Variants in HAVCR1 observed in about 807,000 individuals in gnomAD.
The protein encoded by HAVCR1 is hepatitis A virus cellular receptor 1.
In HAVCR1, 34 loss-of-function variants were observed where a neutral mutation model predicts 32.0. The ratio of observed to expected loss-of-function variants is 1.06; its 90% CI spans 0.81 to 1.42. HAVCR1 has a LOEUF of 1.42. Ranked by LOEUF, HAVCR1 falls within the 40% of genes most tolerant of loss-of-function variation. HAVCR1 has a pLI of 0.00. For synonymous variants in HAVCR1, 178 were observed against 170.3 expected (o/e 1.05, Z -0.35); for missense variants, 420 against 442.3 (o/e 0.95, Z 0.45).
At position 157,048,727 on chromosome 5, in the gene HAVCR1, G is replaced by C. The variant is rs546467544; in HGVS notation, c.781+311C>G. 5.9e-5 allele frequency among the ~76,000 whole-genome samples: 9 copies of C among 152,268 alleles called. No individual in the cohort carries two copies. In the East Asian group the frequency reaches 1.7e-3, roughly 29 times the overall value. The stretch of plus-strand genomic sequence containing the variant: ...CGCCTGTAGTCCCAGCTACTCGGGA[G>C]GCTGAGGCAGGAGAATGGCGTGAAC... On this transcript the variant is annotated intron_variant, in intron 5 of 8. Coordinates refer to ENST00000523175, the MANE Select transcript of HAVCR1 (RefSeq NM_001173393.3).
chr5:157,068,667 G>A, the HAVCR1 span, among the ~76,000 whole-genome samples: 1 of 84,720 alleles, frequency 1.2e-5, no homozygotes, highest in Non-Finnish European at 2.5e-5. Flanking sequence ...TTTTTTTTTT[G>A]AGACAGAGTT....
intron 8 of HAVCR1, among the ~76,000 whole-genome samples, chr5:157,030,535 C>G (rs1469846720): frequency 6.6e-6 from 1 of 151,906 alleles, no homozygotes; most frequent in Non-Finnish European, 1.5e-5. Context: ...TGCCCATAAT[C>G]CTGGCTACTT....
intron 5 of HAVCR1, 34 bp from the exon 6 acceptor site, chr5:157,042,716 C>T (rs776715816): frequency 1.7e-5 from 22 of 1,311,908 alleles, no homozygotes; most frequent in East Asian, 2.3e-5. Flanking sequence ...ATTAGAATTA[C>T]AAAAAATATT....
At chr5:157,032,378 T>A (rs1476193376) in intron 8 of HAVCR1, among the ~76,000 whole-genome samples, 1 of 151,852 alleles carries the variant, frequency 6.6e-6, no homozygotes, top group Non-Finnish European at 1.5e-5. Context: ...ATTAGCTGGG[T>A]ATGGTGGCAC....
chr5:157,036,920 C>A (rs1246334334), intron 7 of HAVCR1, among the ~76,000 whole-genome samples: 3 of 151,460 alleles, frequency 2.0e-5, no homozygotes, highest in African/African-American at 7.3e-5. Context: ...GAAATGGGGT[C>A]CCACCATGTT....
upstream of HAVCR1, among the ~76,000 whole-genome samples, chr5:157,063,228 T>A (rs565579806): frequency 4.1e-4 from 61 of 149,166 alleles, no homozygotes; most frequent in African/African-American, 1.2e-3. Flanking sequence ...TTAGAAATGA[T>A]CCTATTCATC....
At chr5:157,054,973 G>A (rs1426777098) in intron 3 of HAVCR1, among the ~76,000 whole-genome samples, 1 of 152,126 alleles carries the variant, frequency 6.6e-6, no homozygotes, top group East Asian at 1.9e-4. Context: ...TAGATATCAA[G>A]GAACAATTGT....
chr5:157,051,527 A>G (rs753658078), intron 4 of HAVCR1, among the ~76,000 whole-genome samples: 3 of 152,046 alleles, frequency 2.0e-5, no homozygotes, highest in Non-Finnish European at 4.4e-5. Flanking sequence ...CTATCTGTGT[A>G]AATTTCTTTT....
the HAVCR1 span, among the ~76,000 whole-genome samples, chr5:157,067,486 G>A: frequency 1.3e-5 from 2 of 151,922 alleles, no homozygotes; most frequent in Non-Finnish European, 2.9e-5. Context: ...GCAACAGAGT[G>A]AGTCCCCATC....
chr5:157,044,635 A>AAGAAAGAAAGAAAGAAAG (rs1755233404), intron 5 of HAVCR1, among the ~76,000 whole-genome samples: 1 of 64,750 alleles, frequency 1.5e-5, no homozygotes, highest in African/African-American at 5.3e-5. Context: ...GAAAGAAAGA[A>AAGAAAGAAAGAAAGAAAG]AGAAAGAAAG....
intron 5 of HAVCR1, among the ~76,000 whole-genome samples, chr5:157,047,748 T>C (rs529685589): frequency 6.6e-6 from 1 of 152,224 alleles, no homozygotes; most frequent in Admixed American, 6.5e-5. Flanking sequence ...TTTCCCTGAG[T>C]TCTGGAAGCC....
rs1000052924 is a variant in HAVCR1, at chr5:157,049,120, C to T, written c.699G>A (p.Gln233=). 8.1e-6 allele frequency: 13 copies of T among 1,611,760 alleles called. No homozygotes were observed. Among genetic ancestry groups the T allele is most frequent in the African/African-American group, 1.3e-5 (1 of 74,954 alleles). Residue 233 remains glutamine, a synonymous_variant, in exon 5 of 9, where the codon CAG becomes CAA. Transcript: ENST00000523175. ...GTGTCGTAGGGTGGGTTTCTGCTGG[C>T]TGAGGTGAAGATGGTGAAGTGGCTA... ...EPVATSPSSP[Q]PAETHPTTLQ...
intron 5 of HAVCR1, among the ~76,000 whole-genome samples, chr5:157,044,645 G>GAA (rs773600283): frequency 1.6e-4 from 18 of 114,412 alleles, no homozygotes; most frequent in African/African-American, 6.0e-4. Flanking sequence ...AAGAAAGAAA[G>GAA]AAAGAAAGAA....
intron 5 of HAVCR1, among the ~76,000 whole-genome samples, chr5:157,044,615 G>GAAAGAAAGAAAGAAAGAAAAAGAAAGAA (rs760337335): frequency 3.8e-5 from 2 of 52,728 alleles, no homozygotes; most frequent in East Asian, 5.4e-4. Context: ...AAGAAAGAAA[G>GAAAGAAAGAAAGAAAGAAAAAGAAAGAA]AGAAAGAAAG....
intron 6 of HAVCR1, among the ~76,000 whole-genome samples, chr5:157,038,148 A>G (rs1754651012): frequency 6.6e-6 from 1 of 152,230 alleles, no homozygotes; most frequent in South Asian, 2.1e-4. Flanking sequence ...TTCTGTCTCT[A>G]TCTAAATAAA....
At chr5:157,037,812 G>A (rs1175854538) in intron 6 of HAVCR1, among the ~76,000 whole-genome samples, 2 of 152,032 alleles carry the variant, frequency 1.3e-5, no homozygotes, top group African/African-American at 2.4e-5. Flanking sequence ...TCAGGTGTTC[G>A]AGACCAGCCT....
chr5:157,052,094 T>A (rs573925205), intron 4 of HAVCR1, among the ~76,000 whole-genome samples: 1 of 152,336 alleles, frequency 6.6e-6, no homozygotes, highest in Non-Finnish European at 1.5e-5. Flanking sequence ...ATGTTCTACA[T>A]CCGTGGTCCA....
chr5:157,065,085 T>C, the HAVCR1 span, among the ~76,000 whole-genome samples: 1 of 152,244 alleles, frequency 6.6e-6, no homozygotes, highest in African/African-American at 2.4e-5. Context: ...CCCAGCACTT[T>C]GGGAGGCCGA....
At chr5:157,060,408 A>G (rs376446336), upstream of HAVCR1, among the ~76,000 whole-genome samples, 10 of 152,094 alleles carry the variant, frequency 6.6e-5, 2 homozygotes, top group South Asian at 2.1e-4. Flanking sequence ...TGTGTTCTCC[A>G]TCTAGCTCCC....
Sources: gnomAD v4.1 joint callset for allele counts (sites outside exome capture counted in the v4.1 genomes callset) on GRCh38, gnomAD v4.1.1 for gene constraint, MANE v1.5 for transcripts, NCBI Gene and HGNC (gene_info 2026-07-23, HGNC 2026-07-21) for gene names.